The following PKP4 variants were observed in gnomAD, a reference collection of about 807,000 sequenced individuals.
PKP4 encodes plakophilin-4.
Under a neutral mutation model 145.1 loss-of-function variants are expected in PKP4, and 90 were observed. That is an observed-to-expected ratio of 0.62 (90% CI 0.52 to 0.74). PKP4 has a LOEUF of 0.74. PKP4 is among the 30% of genes least tolerant of loss of function. The probability of loss-of-function intolerance (pLI) is 0.00; values close to 1 mark genes in which losing one functional copy is unlikely to be tolerated. For synonymous variants in PKP4, 563 were observed against 577.2 expected (o/e 0.98, Z 0.35); for missense variants, 1,340 against 1,482.7 (o/e 0.90, Z 1.58).
At position 158,550,566 on chromosome 2, in the gene PKP4, T is replaced by A. The variant is rs576866068; in HGVS notation, c.132+17250T>A. 2.6e-5 allele frequency among the ~76,000 whole-genome samples: 4 copies of A among 152,192 alleles called. No individual in the cohort carries two copies. In the South Asian group the frequency reaches 8.3e-4, roughly 32 times the overall value. On this transcript the variant is annotated intron_variant, in intron 2 of 21. Coordinates refer to ENST00000389759, the MANE Select transcript of PKP4 (RefSeq NM_003628.6). ...GGGGTGTGATTTCTAGTCCTGCTGTTTGGCTGCACTCTCAGCAAAGGTGGC... is the reference window on the plus strand; with the variant it reads ...GGGGTGTGATTTCTAGTCCTGCTGTATGGCTGCACTCTCAGCAAAGGTGGC...
At chr2:158,630,586 A>G (rs2053253753) in intron 7 of PKP4, among the ~76,000 whole-genome samples, 1 of 152,236 alleles carries the variant, frequency 6.6e-6, no homozygotes. Context: ...TTGACATTTC[A>G]AAACAGCTTT....
intron 1 of PKP4, among the ~76,000 whole-genome samples, chr2:158,517,865 A>G (rs2042055956): frequency 6.6e-6 from 1 of 152,168 alleles, no homozygotes. Context: ...GCAATGAGCT[A>G]AGATCCCACC....
At chr2:158,639,864 C>T (rs544077428) in intron 9 of PKP4, among the ~76,000 whole-genome samples, 68 of 152,266 alleles carry the variant, frequency 4.5e-4, no homozygotes, top group African/African-American at 1.5e-3. Flanking sequence ...CATGGCCTTT[C>T]TGCCTCAACT....
chr2:158,578,083 G>A, intron 3 of PKP4: 1 of 168,766 alleles, frequency 5.9e-6, no homozygotes, highest in Non-Finnish European at 1.5e-5. Flanking sequence ...GCAGTTTTAA[G>A]TTTGATCTGC....
intron 2 of PKP4, among the ~76,000 whole-genome samples, chr2:158,572,742 A>G (rs2047517423): frequency 1.3e-5 from 2 of 152,230 alleles, no homozygotes; most frequent in African/African-American, 4.8e-5. Context: ...CAATAAACAT[A>G]GGAAAAAGGT....
At chr2:158,582,157 T>A (rs2048382572) in intron 3 of PKP4, among the ~76,000 whole-genome samples, 1 of 152,202 alleles carries the variant, frequency 6.6e-6, no homozygotes, top group South Asian at 2.1e-4. Flanking sequence ...ATGCAGGTAA[T>A]ATTATCTGTG....
intron 3 of PKP4, among the ~76,000 whole-genome samples, chr2:158,585,886 A>AT (rs2048757084): frequency 1.1e-5 from 1 of 91,112 alleles, no homozygotes; most frequent in South Asian, 4.7e-4. Context: ...CATTTTTATC[A>AT]TTCCAAAAAA....
intron 20 of PKP4, chr2:158,677,362 C>A: frequency 5.4e-6 from 1 of 184,596 alleles, no homozygotes; most frequent in African/African-American, 2.5e-5. Context: ...TGTGATTCTT[C>A]TCAACGTGAT....
rs193192202 is a variant in PKP4, at chr2:158,514,859, T to C, written c.-5-18321T>C. ...AGGAGGCTGAGGCAGGAGAATTACT[T>C]AAACCCAGGAAGCAGAGGTTGCAGT... is the stretch of plus-strand genomic sequence containing the variant. On this transcript the variant is annotated intron_variant, in intron 1 of 21. Coordinates refer to ENST00000389759, the MANE Select transcript of PKP4 (RefSeq NM_003628.6). 1.6e-3 allele frequency among the ~76,000 whole-genome samples: 243 copies of C among 152,262 alleles called. 2 individuals are homozygous for C. Among genetic ancestry groups the C allele is most frequent in the African/African-American group, 5.4e-3 (226 of 41,548 alleles).
intron 7 of PKP4, among the ~76,000 whole-genome samples, chr2:158,628,404 G>A (rs1195855384): frequency 6.6e-6 from 1 of 152,112 alleles, no homozygotes; most frequent in East Asian, 1.9e-4. Flanking sequence ...GCTATTTACT[G>A]TAATTTTTTA....
chr2:158,470,804 C>G (rs984930908), intron 1 of PKP4, among the ~76,000 whole-genome samples: 14 of 152,134 alleles, frequency 9.2e-5, no homozygotes, highest in Non-Finnish European at 1.5e-4. Context: ...GAGGGCTCTT[C>G]TACATGGACC....
intron 3 of PKP4, among the ~76,000 whole-genome samples, chr2:158,581,878 A>G (rs2105794469): frequency 6.6e-6 from 1 of 152,334 alleles, no homozygotes; most frequent in African/African-American, 2.4e-5. Flanking sequence ...GACTCTTTAG[A>G]ATTAGTAGTC....
intron 2 of PKP4, among the ~76,000 whole-genome samples, chr2:158,563,152 A>G (rs1208827977): frequency 6.6e-6 from 1 of 152,210 alleles, no homozygotes; most frequent in Non-Finnish European, 1.5e-5. Flanking sequence ...AATTCTTAAA[A>G]CATTTTCTTT....
At chr2:158,591,240 T>A (rs766693122) in intron 3 of PKP4, among the ~76,000 whole-genome samples, 1 of 152,114 alleles carries the variant, frequency 6.6e-6, no homozygotes, top group Non-Finnish European at 1.5e-5. Context: ...ACCACCCAAC[T>A]GTTTTTAAAT....
intron 15 of PKP4, among the ~76,000 whole-genome samples, chr2:158,664,717 G>A (rs2056921262): frequency 1.3e-5 from 2 of 152,220 alleles, no homozygotes; most frequent in Admixed American, 6.5e-5. Context: ...GTGACTGAGT[G>A]TGTAAGTGCT....
intron 15 of PKP4, 99 bp from the exon 16 acceptor site, chr2:158,666,314 C>G: frequency 9.4e-7 from 1 of 1,067,268 alleles, no homozygotes; most frequent in Non-Finnish European, 1.3e-6. Flanking sequence ...ACCATTTAAT[C>G]TATTAGTTCA....
Position 158,680,709 on chromosome 2 carries a change from T to G in PKP4, c.*32T>G, listed in dbSNP as rs757433287. ...GATGCCCAACAGAGGAACTCTTTCTTTCTAACCTTGTTCAGATTGAGGTGA... is the reference window on the plus strand; with the variant it reads ...GATGCCCAACAGAGGAACTCTTTCTGTCTAACCTTGTTCAGATTGAGGTGA... On this transcript the variant is annotated 3_prime_UTR_variant, in exon 22 of 22. Transcript: ENST00000389759. The G allele has an allele frequency of 2.7e-5, 42 of 1,564,798 alleles. 1 individual carries two copies. Among genetic ancestry groups the G allele is most frequent in the Non-Finnish European group, 2.9e-5 (33 of 1,157,350 alleles).
chr2:158,506,752 A>T (rs2041015235), intron 1 of PKP4, among the ~76,000 whole-genome samples: 1 of 152,220 alleles, frequency 6.6e-6, no homozygotes, highest in Non-Finnish European at 1.5e-5. Context: ...AATAATTTGG[A>T]ATATTCTAAA....
At chr2:158,626,506 C>G (rs1356940942) in intron 7 of PKP4, among the ~76,000 whole-genome samples, 7 of 152,156 alleles carry the variant, frequency 4.6e-5, no homozygotes, top group Non-Finnish European at 7.4e-5. Flanking sequence ...CACATAAGTA[C>G]TAGGGTAACT....
Sources: gnomAD v4.1 joint callset for allele counts (sites outside exome capture counted in the v4.1 genomes callset) on GRCh38, gnomAD v4.1.1 for gene constraint, MANE v1.5 for transcripts, NCBI Gene and HGNC (gene_info 2026-07-23, HGNC 2026-07-21) for gene names.